WWOX: variants seen among roughly 807,000 people sequenced by gnomAD.
WWOX encodes the protein WW domain-containing oxidoreductase.
In WWOX, 69 loss-of-function variants were observed where a neutral mutation model predicts 46.2. The ratio of observed to expected loss-of-function variants is 1.49; its 90% CI spans 1.23 to 1.82. WWOX has a LOEUF of 1.82. Among genes scored for constraint, WWOX ranks in the 40% most tolerant of loss-of-function variants. The pLI is 0.00. For missense variants in WWOX, 919 were observed against 542.6 expected (o/e 1.69, Z -6.89); for synonymous variants, 359 against 202.6 (o/e 1.77, Z -6.56).
At position 78,353,260 on chromosome 16, in the gene WWOX, G is replaced by C. The variant is rs115186076; in HGVS notation, c.517-33600G>C. 5.2e-3 allele frequency among the ~76,000 whole-genome samples: 784 copies of C among 152,232 alleles called. 6 individuals are homozygous for C. Among genetic ancestry groups the C allele is most frequent in the African/African-American group, 0.018 (730 of 41,546 alleles). On this transcript the variant is annotated intron_variant, in intron 5 of 8. Coordinates refer to ENST00000566780, the MANE Select transcript of WWOX (RefSeq NM_016373.4). Reference sequence around the variant, plus strand: ...GGGGCCCGTGTATAATACCTCAAGAGAAAAAGACACAGATGAGGCTATTAG... The same window carrying C: ...GGGGCCCGTGTATAATACCTCAAGACAAAAAGACACAGATGAGGCTATTAG...
intron 8 of WWOX, among the ~76,000 whole-genome samples, chr16:78,823,448 T>C (rs754639501): frequency 1.5e-4 from 23 of 152,302 alleles, no homozygotes; most frequent in Non-Finnish European, 2.6e-4. Context: ...CATCATCGCT[T>C]ATCATCACCT....
chr16:78,308,266 T>C (rs1165152385), intron 5 of WWOX, among the ~76,000 whole-genome samples: 1 of 151,922 alleles, frequency 6.6e-6, no homozygotes, highest in East Asian at 1.9e-4. Flanking sequence ...AAAAATAAAT[T>C]CTAAGCTCCC....
chr16:78,395,492 A>G (rs3897139), intron 6 of WWOX, among the ~76,000 whole-genome samples: 52,080 of 151,992 alleles, frequency 0.34, 11,768 homozygotes, highest in African/African-American at 0.59. Context: ...AGCCTGGGCA[A>G]CAGAGCCAGA....
chr16:79,062,796 C>G (rs1290849506), intron 8 of WWOX, among the ~76,000 whole-genome samples: 1 of 152,144 alleles, frequency 6.6e-6, no homozygotes. Flanking sequence ...ATTCTGGGTT[C>G]TAACAGCCCC....
chr16:78,645,159 T>C (rs1334773386), intron 8 of WWOX, among the ~76,000 whole-genome samples: 2 of 152,170 alleles, frequency 1.3e-5, no homozygotes, highest in Admixed American at 6.5e-5. Flanking sequence ...TCAAGCTCTT[T>C]CCTATCGAAG....
At chr16:78,511,312 C>A (rs1030081759) in intron 8 of WWOX, among the ~76,000 whole-genome samples, 2 of 152,178 alleles carry the variant, frequency 1.3e-5, no homozygotes, top group Non-Finnish European at 2.9e-5. Flanking sequence ...CACAGGGATG[C>A]CTTCGGTCCA....
intron 8 of WWOX, among the ~76,000 whole-genome samples, chr16:78,969,052 C>G (rs35692949): frequency 0.046 from 6,977 of 152,206 alleles, 211 homozygotes; most frequent in Non-Finnish European, 0.071. Context: ...TCCAGTGGCC[C>G]TTGTCTTGTT....
chr16:79,008,840 C>G (rs914525919), intron 8 of WWOX, among the ~76,000 whole-genome samples: 1 of 152,114 alleles, frequency 6.6e-6, no homozygotes, highest in African/African-American at 2.4e-5. Context: ...ACCAGGGGGC[C>G]CCGATCAGGT....
rs753703078 is a variant in WWOX, at chr16:78,116,977, G to A, written c.409+1823G>A. On this transcript the variant is annotated intron_variant, in intron 4 of 8. Coordinates refer to ENST00000566780, the MANE Select transcript of WWOX (RefSeq NM_016373.4). ...TTTGCAACAGCAGACCTGCGACATT[G>A]TAATCCAGGACTGATAGAGTTGGTT... Among the ~76,000 whole-genome samples, 108 of 152,276 alleles carry A rather than the reference G, an allele frequency of 7.1e-4. 2 individuals carry two copies. The highest frequency in any genetic ancestry group is 6.9e-3 in the Admixed American group (105 of 15,304).
intron 8 of WWOX, among the ~76,000 whole-genome samples, chr16:79,175,758 G>C (rs184203963): frequency 6.6e-6 from 1 of 152,260 alleles, no homozygotes; most frequent in African/African-American, 2.4e-5. Flanking sequence ...TTACTCATAC[G>C]ACTTACACAT....
At chr16:78,488,735 T>C (rs974593835) in intron 8 of WWOX, among the ~76,000 whole-genome samples, 1 of 152,192 alleles carries the variant, frequency 6.6e-6, no homozygotes, top group South Asian at 2.1e-4. Flanking sequence ...TTAGGAACTG[T>C]GTGACGCTGG....
At chr16:78,222,334 C>T (rs942240106) in intron 5 of WWOX, among the ~76,000 whole-genome samples, 4 of 118,160 alleles carry the variant, frequency 3.4e-5, no homozygotes, top group South Asian at 3.0e-4. Context: ...GGCTGTGACA[C>T]GACTTAATAG....
At chr16:78,939,031 C>T (rs897366920) in intron 8 of WWOX, among the ~76,000 whole-genome samples, 1 of 152,036 alleles carries the variant, frequency 6.6e-6, no homozygotes, top group Non-Finnish European at 1.5e-5. Flanking sequence ...CCTTTCAGCC[C>T]AAGGTTTGAA....
At chr16:78,392,109 T>A (rs2151938054) in intron 6 of WWOX, among the ~76,000 whole-genome samples, 1 of 152,030 alleles carries the variant, frequency 6.6e-6, no homozygotes, top group African/African-American at 2.4e-5. Flanking sequence ...AGCGGAGCCG[T>A]GGCCTGTTAT....
chr16:78,981,507 G>T (rs1266977196), intron 8 of WWOX, among the ~76,000 whole-genome samples: 1 of 151,852 alleles, frequency 6.6e-6, no homozygotes, highest in African/African-American at 2.4e-5. Context: ...GCACAATCTG[G>T]GCTCACTGCA....
chr16:78,458,137 G>C (rs1291967833), intron 8 of WWOX, among the ~76,000 whole-genome samples: 2 of 151,912 alleles, frequency 1.3e-5, no homozygotes, highest in Non-Finnish European at 2.9e-5. Context: ...TTCTAGAAGA[G>C]AAATCCCTCA....
In WWOX at chr16:78,644,223, AAATG is replaced by A. The variant is rs541292076; in HGVS notation, c.1056+211498_1056+211501del. On this transcript the variant is annotated intron_variant, in intron 8 of 8. Transcript: ENST00000566780. Reference sequence around the variant, plus strand: ...GGCAACGAGCGAAACTCTGTCTCAAAAATGAATGAATGAATGAATGAATGAATGA... The same window carrying A: ...GGCAACGAGCGAAACTCTGTCTCAAAAATGAATGAATGAATGAATGAATGA... Among the ~76,000 whole-genome samples the A allele has an allele frequency of 2.7e-3, 418 of 152,078 alleles. 3 individuals are homozygous for A. Among genetic ancestry groups the A allele is most frequent in the African/African-American group, 8.4e-3 (349 of 41,430 alleles).
At chr16:78,280,743 T>C (rs1245938078) in intron 5 of WWOX, 1 of 152,194 alleles carries the variant, frequency 6.6e-6, no homozygotes, top group East Asian at 1.9e-4. Context: ...GCTCATTTAA[T>C]TTTACATAAA....
intron 5 of WWOX, among the ~76,000 whole-genome samples, chr16:78,350,163 A>G (rs2081159956): frequency 1.7e-5 from 2 of 120,934 alleles, no homozygotes; most frequent in South Asian, 5.0e-4. Context: ...TCAATCCACA[A>G]TCTCATCAGA....
Sources: allele counts gnomAD v4.1 joint callset (sites outside exome capture counted in the v4.1 genomes callset), GRCh38; gene constraint gnomAD v4.1.1; transcripts MANE v1.5; gene names NCBI Gene and HGNC (gene_info 2026-07-23, HGNC 2026-07-21).